Variants in GALNT1 observed in about 807,000 individuals in gnomAD.
GALNT1 encodes GalNAc transferase 1.
Under a neutral mutation model 65.7 loss-of-function variants are expected in GALNT1, and 17 were observed. The ratio of observed to expected loss-of-function variants is 0.26; its 90% CI spans 0.18 to 0.39. The LOEUF is 0.39. Ranked by LOEUF, GALNT1 falls within the 10% of genes least tolerant of loss-of-function variation. The probability of loss-of-function intolerance (pLI) is 1.00; values close to 1 mark genes in which losing one functional copy is unlikely to be tolerated. For synonymous variants in GALNT1, 210 were observed against 219.7 expected, an observed-to-expected ratio of 0.96 and a Z score of 0.39; for missense variants, 460 against 672.8, an observed-to-expected ratio of 0.68 and a Z score of 3.50.
Position 35,703,332 on chromosome 18 carries a change from A to G in GALNT1, c.1399-177A>G, listed in dbSNP as rs115815076. ...GCTTGTAAGCAAGAAAATGAGTAAC[A>G]TAACATCAATGTAAATTAGTGGTAG... On this transcript the variant is annotated intron_variant, in intron 10 of 11. Transcript: ENST00000269195. Among the ~76,000 whole-genome samples the G allele has an allele frequency of 2.8e-3, 427 of 152,348 alleles. 2 individuals are homozygous for G. The highest frequency in any genetic ancestry group is 9.8e-3 in the African/African-American group (408 of 41,582).
chr18:35,628,976 G>C (rs1254259506), intron 1 of GALNT1, among the ~76,000 whole-genome samples: 7 of 152,182 alleles, frequency 4.6e-5, no homozygotes, highest in African/African-American at 1.4e-4. Flanking sequence ...AGTGATGGAA[G>C]ATCAAATGAA....
At chr18:35,646,614 G>A (rs1048352444) in intron 1 of GALNT1, among the ~76,000 whole-genome samples, 1 of 152,202 alleles carries the variant, frequency 6.6e-6, no homozygotes, top group Non-Finnish European at 1.5e-5. Flanking sequence ...AGAGTGCTGG[G>A]GGAGGCCATA....
At chr18:35,628,938 G>A (rs891297805) in intron 1 of GALNT1, among the ~76,000 whole-genome samples, 4 of 152,234 alleles carry the variant, frequency 2.6e-5, no homozygotes, top group Admixed American at 6.5e-5. Context: ...TTCAGTAGCT[G>A]ATTCGATCAA....
intron 1 of GALNT1, among the ~76,000 whole-genome samples, chr18:35,617,110 C>T (rs1198554404): frequency 6.6e-6 from 1 of 152,084 alleles, no homozygotes; most frequent in Non-Finnish European, 1.5e-5. Flanking sequence ...CAGCTCCCCC[C>T]TCCATTTCCT....
chr18:35,662,136 T>A (rs1298283846), intron 2 of GALNT1, among the ~76,000 whole-genome samples: 1 of 150,436 alleles, frequency 6.6e-6, no homozygotes, highest in Admixed American at 6.8e-5. Flanking sequence ...AAAGGCTGAT[T>A]TTATATGGAG....
At chr18:35,690,845 G>A (rs767098650) in intron 7 of GALNT1, among the ~76,000 whole-genome samples, 167 bp from the exon 8 acceptor site, 3 of 152,142 alleles carry the variant, frequency 2.0e-5, no homozygotes, top group Non-Finnish European at 2.9e-5. Flanking sequence ...TTGGTAGTAT[G>A]GAGGTACTTT....
intron 1 of GALNT1, among the ~76,000 whole-genome samples, chr18:35,612,274 A>G (rs775697812): frequency 6.6e-6 from 1 of 152,210 alleles, no homozygotes. Context: ...AAAATAGGGT[A>G]CATCTCCATG....
intron 1 of GALNT1, among the ~76,000 whole-genome samples, chr18:35,624,369 G>A (rs889441935): frequency 2.0e-5 from 3 of 152,130 alleles, no homozygotes; most frequent in Non-Finnish European, 4.4e-5. Flanking sequence ...TTATTTGTGA[G>A]TAGATTAGTC....
In GALNT1 at chr18:35,623,021, A is replaced by G. The variant is rs547209163; in HGVS notation, c.-103-31539A>G. ...TTGTTCTAATCTTGTCATCTATCAC[A>G]TCTTCATATTAATAAGTTGTACAAC... On this transcript the variant is annotated intron_variant, in intron 1 of 11. Coordinates refer to ENST00000269195, the MANE Select transcript of GALNT1 (RefSeq NM_020474.4). 1.3e-4 allele frequency among the ~76,000 whole-genome samples: 20 copies of G among 152,228 alleles called. No homozygotes were observed. In the South Asian group the frequency reaches 3.9e-3, roughly 30 times the overall value.
intron 11 of GALNT1, among the ~76,000 whole-genome samples, chr18:35,704,083 G>C (rs956331210): frequency 1.3e-5 from 2 of 152,086 alleles, no homozygotes; most frequent in Non-Finnish European, 2.9e-5. Flanking sequence ...CTTTTGTCTG[G>C]AACCTTTCTC....
At chr18:35,635,680 C>A (rs1288284442) in intron 1 of GALNT1, among the ~76,000 whole-genome samples, 1 of 151,976 alleles carries the variant, frequency 6.6e-6, no homozygotes, top group Admixed American at 6.5e-5. Context: ...AATGTAGAAA[C>A]AATAATTGAT....
chr18:35,611,722 A>G (rs1019951047), intron 1 of GALNT1, among the ~76,000 whole-genome samples: 2 of 152,340 alleles, frequency 1.3e-5, no homozygotes, highest in African/African-American at 4.8e-5. Flanking sequence ...GAGGCTGCCT[A>G]GAGCTTGGAC....
intron 1 of GALNT1, among the ~76,000 whole-genome samples, chr18:35,612,162 A>G (rs1174517173): frequency 6.6e-6 from 1 of 152,214 alleles, no homozygotes; most frequent in East Asian, 1.9e-4. Flanking sequence ...ATAAGGCTGC[A>G]AAATACTGTC....
In GALNT1 at chr18:35,683,384, T is replaced by C; in HGVS notation, c.482-7T>C. 1 of 1,610,208 alleles carries C rather than the reference T, an allele frequency of 6.2e-7. No homozygotes were observed. Among genetic ancestry groups the C allele is most frequent in the Non-Finnish European group, 8.5e-7 (1 of 1,177,658 alleles). ...GGTTTGCATGTTTTCTTTTGTTCAT[T>C]TTCCAGACTTTTTGAAAAGGCCTTT... is the stretch of plus-strand genomic sequence containing the variant. On this transcript the variant is annotated splice_region_variant and splice_polypyrimidine_tract_variant and intron_variant, in intron 4 of 11. Transcript: ENST00000269195.
rs111333489 is a variant in GALNT1 at position 35,676,929 on chromosome 18, T to A, written c.315-662T>A. Among the ~76,000 whole-genome samples the A allele has an allele frequency of 6.4e-3, 973 of 152,348 alleles. 19 individuals are homozygous for A. The highest frequency in any genetic ancestry group is 0.022 in the African/African-American group (923 of 41,574). On this transcript the variant is annotated intron_variant, in intron 3 of 11. Coordinates refer to ENST00000269195, the MANE Select transcript of GALNT1 (RefSeq NM_020474.4). ...ATCTTTTGAGTGTGTTTGGTATTTC[T>A]GATTATTGCATGCTCAGGCATAAAT...
chr18:35,657,472 G>A (rs1266247478), intron 2 of GALNT1, among the ~76,000 whole-genome samples: 1 of 152,122 alleles, frequency 6.6e-6, no homozygotes, highest in East Asian at 1.9e-4. Context: ...GAAAATAGAT[G>A]GTAGTTTAAG....
chr18:35,630,623 G>A (rs568392488), intron 1 of GALNT1, among the ~76,000 whole-genome samples: 11 of 152,020 alleles, frequency 7.2e-5, no homozygotes, highest in East Asian at 5.8e-4. Context: ...AATTGACACC[G>A]TAACATCACA....
chr18:35,703,297 T>G (rs2048197447), intron 10 of GALNT1, among the ~76,000 whole-genome samples: 1 of 152,132 alleles, frequency 6.6e-6, no homozygotes, highest in Non-Finnish European at 1.5e-5. Context: ...TCAAGGTCAT[T>G]TTTGCTTCAG....
chr18:35,664,017 T>C (rs546716630), intron 3 of GALNT1: 306 of 485,006 alleles, frequency 6.3e-4, no homozygotes, highest in Non-Finnish European at 9.7e-4. Flanking sequence ...GGAAGATAAT[T>C]ATTTATCTTA....
Sources: allele counts gnomAD v4.1 joint callset (sites outside exome capture counted in the v4.1 genomes callset), GRCh38; gene constraint gnomAD v4.1.1; transcripts MANE v1.5; gene names NCBI Gene and HGNC (gene_info 2026-07-23, HGNC 2026-07-21).